GABRB1: variants seen among roughly 807,000 people sequenced by gnomAD.
The protein encoded by GABRB1 is gamma-aminobutyric acid receptor subunit beta-1.
GABRB1 carries 17 observed loss-of-function variants against 51.6 expected under a neutral mutation model. The observed-to-expected ratio is 0.33, with a 90% confidence interval of 0.23 to 0.49. GABRB1 has a LOEUF of 0.49. Ranked by LOEUF, GABRB1 falls within the 20% of genes least tolerant of loss-of-function variation. The pLI is 0.99. For synonymous variants in GABRB1, 247 were observed against 218.9 expected, an observed-to-expected ratio of 1.13 and a Z score of -1.14; for missense variants, 410 against 600.6, an observed-to-expected ratio of 0.68 and a Z score of 3.32.
Position 47,381,610 on chromosome 4 carries a change from A to G in GABRB1, c.545-21708A>G, listed in dbSNP as rs144598481. Among the ~76,000 whole-genome samples the G allele has an allele frequency of 2.0e-3, 298 of 152,280 alleles. 1 individual carries two copies. The highest frequency in any genetic ancestry group is 6.8e-3 in the African/African-American group (284 of 41,552). On this transcript the variant is annotated intron_variant, in intron 5 of 8. Coordinates refer to ENST00000295454, the MANE Select transcript of GABRB1 (RefSeq NM_000812.4). Reference sequence around the variant, plus strand: ...AGTGGAATGAACAGCCTTCCCTACAAGGCTTGCTTCTACTCATGTCTCAGA... The same window carrying G: ...AGTGGAATGAACAGCCTTCCCTACAGGGCTTGCTTCTACTCATGTCTCAGA...
intron 3 of GABRB1, among the ~76,000 whole-genome samples, chr4:47,069,922 A>G (rs1727247980): frequency 6.6e-6 from 1 of 152,008 alleles, no homozygotes; most frequent in South Asian, 2.1e-4. Context: ...AGAACACCTC[A>G]TGTCAGGATC....
intron 3 of GABRB1, among the ~76,000 whole-genome samples, chr4:47,132,438 TTTGGTTTGGA>T (rs1716466405): frequency 9.5e-6 from 1 of 105,096 alleles, no homozygotes; most frequent in African/African-American, 3.3e-5. Context: ...TTTGGTTTGG[TTTGGTTTGGA>T]TTGCATCACT....
rs571104817 is a variant in GABRB1 at position 47,041,666 on chromosome 4, G to A, written c.240+9182G>A. 3.9e-5 allele frequency among the ~76,000 whole-genome samples: 6 copies of A among 152,154 alleles called. No homozygotes were observed. The East Asian group carries it at 1.2e-3, about 29-fold the overall frequency. On this transcript the variant is annotated intron_variant, in intron 3 of 8. Transcript: ENST00000295454. ...AAGCTCAGGATCTCTGCCTACTCTA[G>A]CCCTCCATGACTCACGGAGATATTT...
At chr4:47,034,879 A>C (rs1188931257) in intron 3 of GABRB1, among the ~76,000 whole-genome samples, 1 of 152,190 alleles carries the variant, frequency 6.6e-6, no homozygotes, top group Admixed American at 6.5e-5. Flanking sequence ...CATGGAAAAT[A>C]AGACTTATTG....
At chr4:47,030,871 G>C, upstream of GABRB1, among the ~76,000 whole-genome samples, 1 of 151,984 alleles carries the variant, frequency 6.6e-6, no homozygotes, top group Non-Finnish European at 1.5e-5. Context: ...TAGAAAAAAA[G>C]ATTGCCTGCC....
chr4:47,200,459 T>C (rs993776), intron 4 of GABRB1, among the ~76,000 whole-genome samples: 129,181 of 152,130 alleles, frequency 0.85, 54,829 homozygotes, highest in Middle Eastern at 0.92. Flanking sequence ...TCAATAAATA[T>C]ATAGTTTTTG....
At position 47,196,895 on chromosome 4, in the gene GABRB1, C is replaced by T. The variant is rs186879343; in HGVS notation, c.461+35426C>T. Among the ~76,000 whole-genome samples, 35 of 152,312 alleles carry T rather than the reference C, an allele frequency of 2.3e-4. No homozygotes were observed. In the East Asian group the frequency reaches 5.6e-3, roughly 24 times the overall value. ...AGCAGTCCTTTACTTTCTTGTCTGT[C>T]GCATTCACTAGAATGTCAGCTCCTT... is the stretch of plus-strand genomic sequence containing the variant. On this transcript the variant is annotated intron_variant, in intron 4 of 8. Transcript: ENST00000295454.
At chr4:47,147,998 A>C (rs1484142732) in intron 3 of GABRB1, among the ~76,000 whole-genome samples, 2 of 152,078 alleles carry the variant, frequency 1.3e-5, no homozygotes, top group African/African-American at 4.8e-5. Flanking sequence ...TTAAAAATTG[A>C]AATCTCATTT....
chr4:47,383,758 C>G (rs902009667), intron 5 of GABRB1, among the ~76,000 whole-genome samples: 1 of 152,076 alleles, frequency 6.6e-6, no homozygotes, highest in Non-Finnish European at 1.5e-5. Context: ...ATATACCAAA[C>G]AGGTCATTTT....
intron 5 of GABRB1, among the ~76,000 whole-genome samples, chr4:47,371,770 C>T (rs1009588917): frequency 7.2e-5 from 11 of 152,246 alleles, no homozygotes; most frequent in African/African-American, 2.6e-4. Context: ...CCTTTGCCCA[C>T]TTTTTAATGG....
intron 4 of GABRB1, among the ~76,000 whole-genome samples, chr4:47,204,972 A>G (rs1336858611): frequency 1.3e-5 from 2 of 152,176 alleles, no homozygotes; most frequent in Admixed American, 6.6e-5. Context: ...TGATAAATGA[A>G]ACATAAGTAA....
At chr4:47,160,377 A>G (rs1326433568) in intron 3 of GABRB1, among the ~76,000 whole-genome samples, 1 of 152,168 alleles carries the variant, frequency 6.6e-6, no homozygotes, top group Non-Finnish European at 1.5e-5. Flanking sequence ...TATGTGCCTC[A>G]TAACTACTTT....
At chr4:47,209,272 A>G (rs1720258684) in intron 4 of GABRB1, among the ~76,000 whole-genome samples, 1 of 152,088 alleles carries the variant, frequency 6.6e-6, no homozygotes. Context: ...GACAGCATTC[A>G]TTATTAGATT....
chr4:47,212,712 C>G (rs1720410639), intron 4 of GABRB1, among the ~76,000 whole-genome samples: 1 of 151,948 alleles, frequency 6.6e-6, no homozygotes, highest in Admixed American at 6.6e-5. Context: ...CAGCCAACCC[C>G]CTTCTTTTCA....
intron 5 of GABRB1, among the ~76,000 whole-genome samples, chr4:47,349,740 C>T (rs1326952032): frequency 6.6e-6 from 1 of 152,244 alleles, no homozygotes; most frequent in Non-Finnish European, 1.5e-5. Flanking sequence ...CATGTACGCC[C>T]ATGCGGATTT....
chr4:47,184,245 A>C (rs1286804517), intron 4 of GABRB1, among the ~76,000 whole-genome samples: 4 of 151,914 alleles, frequency 2.6e-5, no homozygotes, highest in Non-Finnish European at 5.9e-5. Context: ...TTCATTAGTT[A>C]TCTCATAACC....
intron 4 of GABRB1, among the ~76,000 whole-genome samples, chr4:47,250,647 T>G (rs1721951918): frequency 3.3e-5 from 5 of 152,152 alleles, no homozygotes; most frequent in Admixed American, 3.3e-4. Flanking sequence ...TTGTTCATAT[T>G]TTCTTATTCT....
intron 3 of GABRB1, among the ~76,000 whole-genome samples, chr4:47,150,059 C>T (rs7691490): frequency 0.17 from 25,523 of 151,720 alleles, 3,102 homozygotes; most frequent in African/African-American, 0.34. Flanking sequence ...TCCAAAGGAG[C>T]AGGCTATGGT....
intron 3 of GABRB1, among the ~76,000 whole-genome samples, chr4:47,070,773 C>T (rs965219356): frequency 6.6e-6 from 1 of 151,978 alleles, no homozygotes; most frequent in Admixed American, 6.6e-5. Flanking sequence ...TGAGCTATCC[C>T]AGGTTTCATT....
Sources: gnomAD v4.1 joint callset for allele counts (sites outside exome capture counted in the v4.1 genomes callset) on GRCh38, gnomAD v4.1.1 for gene constraint, MANE v1.5 for transcripts, NCBI Gene and HGNC (gene_info 2026-07-23, HGNC 2026-07-21) for gene names.